CAP1: variants seen among roughly 807,000 people sequenced by gnomAD.
CAP1 encodes cyclase associated actin cytoskeleton regulatory protein 1, also known as adenylyl cyclase-associated protein 1.
A neutral mutation model predicts 58.2 loss-of-function variants in CAP1; 11 were observed. That is an observed-to-expected ratio of 0.19 (90% CI 0.12 to 0.31). The LOEUF (loss-of-function observed/expected upper bound fraction) is 0.31, where lower values mean the gene tolerates loss of function less well. CAP1 is among the 10% of genes least tolerant of loss of function. The pLI is 1.00. For synonymous variants in CAP1, 183 were observed against 213.8 expected (o/e 0.86, Z 1.26); for missense variants, 423 against 587.5 (o/e 0.72, Z 2.89).
chr1:40,042,628 C>G (rs1213068233), intron 1 of CAP1, among the ~76,000 whole-genome samples: 1 of 152,036 alleles, frequency 6.6e-6, no homozygotes, highest in Non-Finnish European at 1.5e-5. Context: ...GGATTTTTAC[C>G]CTGAAAGCTA....
intron 1 of CAP1, among the ~76,000 whole-genome samples, chr1:40,058,177 A>G (rs1288756496): frequency 1.3e-5 from 2 of 152,320 alleles, no homozygotes; most frequent in East Asian, 1.9e-4. Context: ...TGAAAGATCT[A>G]TAACAAATTC....
chr1:40,054,515 G>A (rs1044513864), intron 1 of CAP1, among the ~76,000 whole-genome samples: 1 of 152,160 alleles, frequency 6.6e-6, no homozygotes, highest in African/African-American at 2.4e-5. Context: ...AATTACAGTG[G>A]CAAGACATGG....
chr1:40,050,574 G>A (rs985160588), intron 1 of CAP1, among the ~76,000 whole-genome samples: 1 of 151,730 alleles, frequency 6.6e-6, no homozygotes, highest in Non-Finnish European at 1.5e-5. Flanking sequence ...CAGGAGAATC[G>A]CTTGAACCTG....
rs146242175 is a variant in CAP1, at chr1:40,049,710, C to T, written c.-11+8909C>T. ...TCTAAATACTCACTAGTCATTTCCACTTAGAAGCTTTGTCTTCTTTTCAAA... is the reference window on the plus strand; with the variant it reads ...TCTAAATACTCACTAGTCATTTCCATTTAGAAGCTTTGTCTTCTTTTCAAA... On this transcript the variant is annotated intron_variant, in intron 1 of 12. Transcript: ENST00000372805. Among the ~76,000 whole-genome samples the T allele has an allele frequency of 5.7e-3, 873 of 152,272 alleles. 6 individuals carry two copies. The highest frequency in any genetic ancestry group is 0.02 in the African/African-American group (839 of 41,562).
At chr1:40,053,224 C>CA (rs1428789645) in intron 1 of CAP1, among the ~76,000 whole-genome samples, 8 of 150,616 alleles carry the variant, frequency 5.3e-5, no homozygotes, top group African/African-American at 1.7e-4. Flanking sequence ...GACTCCATCT[C>CA]AAAAAAAAGA....
At chr1:40,064,442 T>G in intron 5 of CAP1, 32 bp from the exon 6 acceptor site, 1 of 1,611,250 alleles carries the variant, frequency 6.2e-7, no homozygotes, top group Non-Finnish European at 8.5e-7. Flanking sequence ...GTTGGAGAGG[T>G]CCTGAGTCAC....
Position 40,066,204 on chromosome 1 carries a change from A to C in CAP1, c.525-11A>C, listed in dbSNP as rs1288461407. ...GATCACCTGTGACAAGTTCTTCTTT[A>C]ATCCTCCCAGGGATAAGAAGCATGT... On this transcript the variant is annotated splice_polypyrimidine_tract_variant and intron_variant, in intron 6 of 12. Coordinates refer to ENST00000372805, the MANE Select transcript of CAP1 (RefSeq NM_006367.4). The C allele has an allele frequency of 6.8e-7, 1 of 1,480,256 alleles. No individual in the cohort carries two copies. The highest frequency in any genetic ancestry group is 2.3e-5 in the East Asian group (1 of 44,292). 91.7% of individuals were successfully genotyped at this position (1,480,256 alleles called of 1,614,324 possible).
At chr1:40,056,598 GA>G (rs1025333809) in intron 1 of CAP1, among the ~76,000 whole-genome samples, 7 of 152,144 alleles carry the variant, frequency 4.6e-5, no homozygotes, top group African/African-American at 1.7e-4. Context: ...TACTTGGCCT[GA>G]ATCTAAAATT....
chr1:40,070,294 T>C lies in CAP1; in HGVS notation c.1117+12T>C. On this transcript the variant is annotated intron_variant, in intron 10 of 12. Coordinates refer to ENST00000372805, the MANE Select transcript of CAP1 (RefSeq NM_006367.4). The stretch of plus-strand genomic sequence containing the variant: ...CTCCATTACAGTAGGTGAGTCTTTG[T>C]CGCTGTCCCACGCAAGCCCCGTCCC... 1 of 1,614,130 alleles carries C rather than the reference T, an allele frequency of 6.2e-7. No individual in the cohort carries two copies. The highest frequency in any genetic ancestry group is 8.5e-7 in the Non-Finnish European group (1 of 1,179,964).
intron 1 of CAP1, among the ~76,000 whole-genome samples, chr1:40,048,661 G>C (rs749466431): frequency 6.6e-6 from 1 of 152,110 alleles, no homozygotes; most frequent in Non-Finnish European, 1.5e-5. Context: ...GACAAATATT[G>C]TAAATTTTGC....
At chr1:40,068,069 C>A (rs1037189684) in intron 8 of CAP1, among the ~76,000 whole-genome samples, 1 of 152,142 alleles carries the variant, frequency 6.6e-6, no homozygotes, top group Admixed American at 6.5e-5. Flanking sequence ...TCAGAAGATG[C>A]ATACTGGTTA....
At chr1:40,052,839 C>G (rs1411891790) in intron 1 of CAP1, among the ~76,000 whole-genome samples, 1 of 152,032 alleles carries the variant, frequency 6.6e-6, no homozygotes, top group African/African-American at 2.4e-5. Context: ...GCCTGTAATC[C>G]CAGCACTTTG....
chr1:40,047,352 T>A (rs1646152769), intron 1 of CAP1, among the ~76,000 whole-genome samples: 1 of 152,248 alleles, frequency 6.6e-6, no homozygotes, highest in Non-Finnish European at 1.5e-5. Context: ...TTTGTTTGCC[T>A]TGTATTACCA....
chr1:40,045,644 C>T (rs1046345095), intron 1 of CAP1, among the ~76,000 whole-genome samples: 1 of 152,194 alleles, frequency 6.6e-6, no homozygotes, highest in African/African-American at 2.4e-5. Flanking sequence ...CAACCTCCCC[C>T]TCCCGGGTTC....
intron 1 of CAP1, chr1:40,057,626 A>G (rs1189320838): frequency 6.6e-6 from 1 of 151,970 alleles, no homozygotes; most frequent in African/African-American, 2.4e-5. Flanking sequence ...TGTCTTCCTT[A>G]CTTTATCTTG....
chr1:40,064,444 C>T, intron 5 of CAP1, 30 bp from the exon 6 acceptor site: 1 of 1,610,944 alleles, frequency 6.2e-7, no homozygotes, highest in Non-Finnish European at 8.5e-7. Flanking sequence ...TGGAGAGGTC[C>T]TGAGTCACTG....
At chr1:40,044,978 AG>A (rs1310741486) in intron 1 of CAP1, among the ~76,000 whole-genome samples, 4 of 151,260 alleles carry the variant, frequency 2.6e-5, no homozygotes, top group African/African-American at 9.7e-5. Flanking sequence ...TTGTATTTTT[AG>A]TATAGACGGG....
chr1:40,047,911 G>A (rs545179488), intron 1 of CAP1, among the ~76,000 whole-genome samples: 4 of 152,138 alleles, frequency 2.6e-5, no homozygotes, highest in Non-Finnish European at 5.9e-5. Flanking sequence ...CCTTCCCTCC[G>A]TAGAAGATAG....
chr1:40,053,667 G>A (rs1320214491), intron 1 of CAP1, among the ~76,000 whole-genome samples: 1 of 152,024 alleles, frequency 6.6e-6, no homozygotes, highest in East Asian at 1.9e-4. Context: ...GGCTGGTCTC[G>A]AACTCCCGAC....
Sources: gnomAD v4.1 joint callset for allele counts (sites outside exome capture counted in the v4.1 genomes callset) on GRCh38, gnomAD v4.1.1 for gene constraint, MANE v1.5 for transcripts, NCBI Gene and HGNC (gene_info 2026-07-23, HGNC 2026-07-21) for gene names.